The following FAM168A variants were observed in gnomAD, a reference collection of about 807,000 sequenced individuals.
FAM168A encodes the protein family with sequence similarity 168 member A.
In FAM168A, 3 loss-of-function variants were observed where a neutral mutation model predicts 28.5. The ratio of observed to expected loss-of-function variants is 0.11; its 90% CI spans 0.05 to 0.27. FAM168A has a LOEUF of 0.27. Ranked by LOEUF, FAM168A falls within the 10% of genes least tolerant of loss-of-function variation. The pLI is 1.00. For missense variants in FAM168A, 222 were observed against 311.5 expected, an observed-to-expected ratio of 0.71 and a Z score of 2.16; for synonymous variants, 122 against 124.2, an observed-to-expected ratio of 0.98 and a Z score of 0.12.
At chr11:73,539,259 ATTTAT>A (rs1323489952) in intron 1 of FAM168A, among the ~76,000 whole-genome samples, 2 of 151,162 alleles carry the variant, frequency 1.3e-5, no homozygotes, top group African/African-American at 4.9e-5. Flanking sequence ...CTTTATTTTT[ATTTAT>A]TTATTTTTTT....
intron 1 of FAM168A, among the ~76,000 whole-genome samples, chr11:73,502,950 T>C (rs566660111): frequency 2.0e-5 from 3 of 152,242 alleles, no homozygotes; most frequent in South Asian, 2.1e-4. Flanking sequence ...AAATTCAACA[T>C]GGCTTCATGT....
At chr11:73,496,560 G>T (rs7937197) in intron 1 of FAM168A, among the ~76,000 whole-genome samples, 5,932 of 152,044 alleles carry the variant, frequency 0.039, 398 homozygotes, top group African/African-American at 0.14. Context: ...TGTTTGTTTG[G>T]TTGGTTGGTT....
intron 1 of FAM168A, among the ~76,000 whole-genome samples, chr11:73,508,117 G>C (rs999303462): frequency 6.6e-6 from 1 of 152,146 alleles, no homozygotes; most frequent in Non-Finnish European, 1.5e-5. Context: ...TACAGCTGAT[G>C]TAAGAGTTAA....
intron 1 of FAM168A, among the ~76,000 whole-genome samples, chr11:73,497,815 T>C (rs1009345349): frequency 3.2e-4 from 48 of 152,126 alleles, no homozygotes; most frequent in African/African-American, 1.0e-3. Flanking sequence ...GACAAGTTAA[T>C]GGGTACAGCA....
At chr11:73,484,739 T>C (rs975152342) in intron 1 of FAM168A, among the ~76,000 whole-genome samples, 3 of 144,430 alleles carry the variant, frequency 2.1e-5, no homozygotes, top group African/African-American at 5.1e-5. Flanking sequence ...TATCGATATA[T>C]AGATATATAG....
chr11:73,441,474 CTA>C (rs1166568351), intron 2 of FAM168A, among the ~76,000 whole-genome samples: 2 of 152,170 alleles, frequency 1.3e-5, no homozygotes, highest in Non-Finnish European at 2.9e-5. Context: ...ATTGGTCTAT[CTA>C]TAGTTTTCTT....
At chr11:73,422,533 G>A (rs1866811462) in intron 3 of FAM168A, among the ~76,000 whole-genome samples, 1 of 152,142 alleles carries the variant, frequency 6.6e-6, no homozygotes, top group Admixed American at 6.5e-5. Context: ...CTATTGGTGG[G>A]AGCGATTCAG....
At chr11:73,475,679 A>C (rs1867878585) in intron 1 of FAM168A, among the ~76,000 whole-genome samples, 1 of 152,112 alleles carries the variant, frequency 6.6e-6, no homozygotes, top group African/African-American at 2.4e-5. Context: ...TGAAATGTCT[A>C]TTCAAGAAAA....
intron 1 of FAM168A, among the ~76,000 whole-genome samples, chr11:73,519,134 T>A (rs56277844): frequency 6.6e-6 from 1 of 152,130 alleles, no homozygotes; most frequent in Non-Finnish European, 1.5e-5. Flanking sequence ...CCATCCCACA[T>A]GCTCTACCAC....
At chr11:73,571,648 A>G (rs2134720788) in intron 1 of FAM168A, among the ~76,000 whole-genome samples, 1 of 152,288 alleles carries the variant, frequency 6.6e-6, no homozygotes, top group East Asian at 1.9e-4. Context: ...CAGAGATTGC[A>G]GCCTCTGCCC....
intron 1 of FAM168A, among the ~76,000 whole-genome samples, chr11:73,493,708 T>C (rs1481044783): frequency 1.3e-5 from 2 of 152,188 alleles, no homozygotes; most frequent in South Asian, 2.1e-4. Flanking sequence ...TGAGCCACCA[T>C]GCGCAGCCTT....
intron 1 of FAM168A, among the ~76,000 whole-genome samples, chr11:73,486,842 C>G (rs1868059579): frequency 6.6e-6 from 1 of 152,166 alleles, no homozygotes. Flanking sequence ...TTAGCATAAG[C>G]TACTCATCTG....
At chr11:73,441,134 C>T (rs1016162283) in intron 2 of FAM168A, among the ~76,000 whole-genome samples, 2 of 151,388 alleles carry the variant, frequency 1.3e-5, no homozygotes, top group Admixed American at 1.3e-4. Context: ...TCTCAGTTCA[C>T]CACAACCTCC....
chr11:73,541,435 T>C (rs1256929929), intron 1 of FAM168A, among the ~76,000 whole-genome samples: 1 of 151,282 alleles, frequency 6.6e-6, no homozygotes, highest in East Asian at 2.0e-4. Flanking sequence ...TGCAGTGGCA[T>C]GATCTTGGCT....
chr11:73,501,514 A>C (rs1855009948), intron 1 of FAM168A, among the ~76,000 whole-genome samples: 1 of 152,186 alleles, frequency 6.6e-6, no homozygotes, highest in South Asian at 2.1e-4. Flanking sequence ...ATACAATCAA[A>C]TAGAACTTAG....
intron 2 of FAM168A, among the ~76,000 whole-genome samples, chr11:73,438,364 A>G (rs186365842): frequency 1.8e-4 from 27 of 152,332 alleles, no homozygotes; most frequent in Non-Finnish European, 3.4e-4. Flanking sequence ...AGAAATAAAC[A>G]TTTTAGTTGG....
At chr11:73,429,202 G>T (rs1380143027) in intron 3 of FAM168A, among the ~76,000 whole-genome samples, 1 of 152,080 alleles carries the variant, frequency 6.6e-6, no homozygotes, top group African/African-American at 2.4e-5. Flanking sequence ...TAAGCCCCAA[G>T]AAAGAGAATG....
intron 1 of FAM168A, among the ~76,000 whole-genome samples, chr11:73,494,303 T>C (rs1438209482): frequency 1.3e-5 from 2 of 152,152 alleles, no homozygotes; most frequent in Non-Finnish European, 2.9e-5. Flanking sequence ...GAACAGGACC[T>C]CAGGCCCCTA....
chr11:73,465,355 GA>G (rs757182649), intron 2 of FAM168A, among the ~76,000 whole-genome samples: 10 of 151,588 alleles, frequency 6.6e-5, no homozygotes, highest in Non-Finnish European at 1.5e-4. Context: ...AATTCTAACA[GA>G]AAAACCTTTA....
Sources: gnomAD v4.1 joint callset for allele counts (sites outside exome capture counted in the v4.1 genomes callset) on GRCh38, gnomAD v4.1.1 for gene constraint, MANE v1.5 for transcripts, NCBI Gene and HGNC (gene_info 2026-07-23, HGNC 2026-07-21) for gene names.